Variants in KRT1 observed in about 807,000 individuals in gnomAD.
KRT1 encodes keratin 1.
In KRT1, 28 loss-of-function variants were observed where a neutral mutation model predicts 51.6. That is an observed-to-expected ratio of 0.54 (90% confidence interval 0.40 to 0.74). The LOEUF (loss-of-function observed/expected upper bound fraction) is 0.74. Ranked by LOEUF, KRT1 falls within the 30% of genes least tolerant of loss-of-function variation. KRT1 has a pLI of 0.00. For synonymous variants in KRT1, 301 were observed against 307.7 expected, an observed-to-expected ratio of 0.98 and a Z score of 0.23; for missense variants, 783 against 815.5, an observed-to-expected ratio of 0.96 and a Z score of 0.49.
intron 6 of KRT1, 114 bp from the exon 7 acceptor site, chr12:52,676,609 C>G: frequency 9.6e-7 from 1 of 1,038,510 alleles, no homozygotes; most frequent in East Asian, 2.6e-5. Flanking sequence ...AACCACTTGG[C>G]CTTAAGTCAT....
intron 4 of KRT1, 48 bp downstream of exon 4, chr12:52,677,602 T>G: frequency 6.2e-7 from 1 of 1,606,336 alleles, no homozygotes; most frequent in Non-Finnish European, 8.5e-7. Context: ...GGGTTCAGGC[T>G]TAAAAACTCT....
chr12:52,680,342 G>A lies in KRT1; in HGVS notation c.7C>T (p.Arg3Ter). 1.9e-6 allele frequency: 3 copies of A among 1,613,692 alleles called. No individual in the cohort carries two copies. Among genetic ancestry groups the A allele is most frequent in the Non-Finnish European group, 2.5e-6 (3 of 1,179,842 alleles). The change falls in exon 1 of 9, where the codon CGA becomes TGA. Residue 3 changes from arginine (R) to a stop codon, truncating the protein, a stop_gained. Coordinates refer to ENST00000252244, the MANE Select transcript of KRT1 (RefSeq NM_006121.4). LOFTEE classifies it high-confidence loss of function. MS[R>*]QFSSRSGYRS... ...TACCCAGACCTGGAACTAAACTGTC[G>A]ACTCATGTTGACTTAGAGAAAAGTA...
intron 7 of KRT1, among the ~76,000 whole-genome samples, chr12:52,676,044 G>T (rs1023228393): frequency 2.0e-5 from 3 of 152,114 alleles, no homozygotes; most frequent in Non-Finnish European, 4.4e-5. Context: ...AGAATAATTT[G>T]CTCCACCTCA....
At position 52,680,281 on chromosome 12, in the gene KRT1, C is replaced by G; in HGVS notation, c.68G>C (p.Gly23Ala). 6.2e-7 allele frequency: 1 copy of G among 1,614,166 alleles called. No individual in the cohort carries two copies. Among genetic ancestry groups the G allele is most frequent in the Non-Finnish European group, 8.5e-7 (1 of 1,180,028 alleles). The change falls in exon 1 of 9, where the codon GGG (glycine) becomes GCG (alanine). Residue 23 changes from glycine to alanine, a missense_variant. By Grantham distance (60) the Gly-to-Ala change is moderately conservative. Coordinates refer to ENST00000252244, the MANE Select transcript of KRT1 (RefSeq NM_006121.4). Reference sequence around the variant, plus strand: ...GGTCCTGCGCTGGTAGTTGATGATCCCAGCAGAGCCAGAGCTGAAGCCCCC... The same window carrying G: ...GGTCCTGCGCTGGTAGTTGATGATCGCAGCAGAGCCAGAGCTGAAGCCCCC... ...SGGGFSSGSA[G>A]IINYQRRTTS...
chr12:52,676,579 G>A (rs1941507274), intron 6 of KRT1, 84 bp from the exon 7 acceptor site: 12 of 1,357,946 alleles, frequency 8.8e-6, no homozygotes, highest in Non-Finnish European at 1.2e-5. Context: ...CTCCAGTGAG[G>A]CCAATAATGA....
At chr12:52,677,028 C>T in intron 6 of KRT1, 31 bp downstream of exon 6, 1 of 1,610,114 alleles carries the variant, frequency 6.2e-7, no homozygotes, top group African/African-American at 1.3e-5. Context: ...CCATTCCATA[C>T]AGCTGAGTGG....
rs1434625567 is a variant in KRT1, at chr12:52,675,287, C to G, written c.1841G>C (p.Gly614Ala). The change falls in exon 9 of 9, where the codon GGA becomes GCA. Residue 614 changes from glycine (G) to alanine (A), a missense_variant. Coordinates refer to ENST00000252244, the MANE Select transcript of KRT1 (RefSeq NM_006121.4). ...SGGGSSGGSI[G>A]GRGSSSGGVK... Reference sequence around the variant, plus strand: ...ACCCCCAGAGCTGGATCCCCGGCCTCCTATGGAGCCTCCAGAGCTCCCGCC... The same window carrying G: ...ACCCCCAGAGCTGGATCCCCGGCCTGCTATGGAGCCTCCAGAGCTCCCGCC... The G allele has an allele frequency of 6.2e-7, 1 of 1,613,394 alleles. No homozygotes were observed. Among genetic ancestry groups the G allele is most frequent in the Non-Finnish European group, 8.5e-7 (1 of 1,179,974 alleles).
chr12:52,680,335 A>G lies in KRT1; in HGVS notation c.14T>C (p.Phe5Ser), dbSNP rs1165231759. The G allele has an allele frequency of 1.2e-6, 2 of 1,613,954 alleles. No homozygotes were observed. Among genetic ancestry groups the G allele is most frequent in the African/African-American group, 2.7e-5 (2 of 74,912 alleles). Residue 5 changes from phenylalanine to serine, a missense_variant, in exon 1 of 9, where the codon TTT (phenylalanine) becomes TCT (serine). Physicochemically the swap from Phe to Ser is radical, Grantham distance 155. Transcript: ENST00000252244. The stretch of plus-strand genomic sequence containing the variant: ...ACTTCGGTACCCAGACCTGGAACTA[A>G]ACTGTCGACTCATGTTGACTTAGAG... MSRQ[F>S]SSRSGYRSGG...
At position 52,677,714 on chromosome 12, in the gene KRT1, T is replaced by A. The variant is rs1207785534; in HGVS notation, c.899A>T (p.Asp300Val). The change falls in exon 4 of 9, where the codon GAC becomes GTC. Residue 300 changes from aspartate to valine, a missense_variant. By Grantham distance (152) the Asp-to-Val change is radical. Transcript: ENST00000252244. The stretch of plus-strand genomic sequence containing the variant: ...CAAGTTGTCAAGTTTGGCCTGAAGG[T>A]CCACCTTGGTCATATAAGCACCATC... ...DVDGAYMTKVDLQAKLDNLQQ... is the reference protein window; with the variant it reads ...DVDGAYMTKVVLQAKLDNLQQ... 2.5e-6 allele frequency: 4 copies of A among 1,614,034 alleles called. No homozygotes were observed. The highest frequency in any genetic ancestry group is 3.4e-6 in the Non-Finnish European group (4 of 1,180,028).
chr12:52,676,134 T>A, intron 7 of KRT1, 141 bp downstream of exon 7: 1 of 782,058 alleles, frequency 1.3e-6, no homozygotes, highest in African/African-American at 1.7e-5. Context: ...TAAAACTAGG[T>A]CCTTCCTCCT....
Position 52,675,340 on chromosome 12 carries a change from G to A in KRT1, c.1788C>T (p.Gly596=), listed in dbSNP as rs984456671. 2 of 1,609,998 alleles carry A rather than the reference G, an allele frequency of 1.2e-6. No individual in the cohort carries two copies. The highest frequency in any genetic ancestry group is 1.7e-6 in the Non-Finnish European group (2 of 1,179,232). The change falls in exon 9 of 9, where the codon GGC becomes GGT. Residue 596 remains glycine (G), a synonymous_variant. Coordinates refer to ENST00000252244, the MANE Select transcript of KRT1 (RefSeq NM_006121.4). ...GYRGGSGGGG[G]GSSGGRGSGG... is the part of the protein sequence containing the mutation. ...CAGAGCCCCGGCCGCCAGAGCTGCC[G>A]CCGCCGCCGCCTCCAGAGCCACCTC... is the stretch of plus-strand genomic sequence containing the variant.
In KRT1 at chr12:52,677,176, C is replaced by T. The variant is rs141641507; in HGVS notation, c.1137G>A (p.Glu379=). ...CATGTCTGCCAGCAGTGATCTGCAGCTCTTCATACTAAAGATGGTAGATAG... is the reference window on the plus strand; with the variant it reads ...CATGTCTGCCAGCAGTGATCTGCAGTTCTTCATACTAAAGATGGTAGATAG... ...AESLYQSKYE[E]LQITAGRHGD... The change falls in exon 6 of 9, where the codon GAG becomes GAA. Residue 379 remains glutamate (E), a synonymous_variant. Transcript: ENST00000252244. 7.2e-5 allele frequency: 116 copies of T among 1,614,212 alleles called. No individual in the cohort carries two copies. In the African/African-American group the frequency reaches 1.3e-3, roughly 18 times the overall value.
At position 52,677,552 on chromosome 12, in the gene KRT1, A is replaced by G. The variant is rs1428972180; in HGVS notation, c.964-72T>C. The G allele has an allele frequency of 6.8e-6, 11 of 1,605,938 alleles. No individual in the cohort carries two copies. The African/African-American group carries it at 1.3e-4, about 20-fold the overall frequency. ...AACAACTTAGACAGAGAAAGCAGTC[A>G]GAAAATAAAAGATAAATATCTATTC... On this transcript the variant is annotated intron_variant, in intron 4 of 8. Transcript: ENST00000252244.
rs1329532043 is a variant in KRT1, at chr12:52,675,402, C to T, written c.1726G>A (p.Gly576Ser). ...CTGCTGCTTCCGGAGCCGTAGCTGC[C>T]ATGGCCGCCGCCGCCACCTCCAGAG... is the stretch of plus-strand genomic sequence containing the variant. ...YGSGGGGGGH[G>S]SYGSGSSSGG... Residue 576 changes from glycine (G) to serine (S), a missense_variant, in exon 9 of 9, where the codon GGC becomes AGC. Coordinates refer to ENST00000252244, the MANE Select transcript of KRT1 (RefSeq NM_006121.4). 1 of 1,575,078 alleles carries T rather than the reference C, an allele frequency of 6.3e-7. No homozygotes were observed. Among genetic ancestry groups the T allele is most frequent in the African/African-American group, 1.4e-5 (1 of 73,402 alleles).
At position 52,675,124 on chromosome 12, in the gene KRT1, G is replaced by A. The variant is rs1941479579; in HGVS notation, c.*69C>T. The A allele has an allele frequency of 6.3e-6, 10 of 1,587,872 alleles. No individual in the cohort carries two copies. The highest frequency in any genetic ancestry group is 7.8e-6 in the Non-Finnish European group (9 of 1,157,928). ...GGTAAGGCTGGGACAAATCGACCTC[G>A]GTCTTGCCAAGCATATTTGTTAGTG... On this transcript the variant is annotated 3_prime_UTR_variant, in exon 9 of 9. Coordinates refer to ENST00000252244, the MANE Select transcript of KRT1 (RefSeq NM_006121.4).
intron 2 of KRT1, 35 bp from the exon 3 acceptor site, chr12:52,678,258 G>A (rs1338980824): frequency 6.2e-7 from 1 of 1,606,476 alleles, no homozygotes; most frequent in Non-Finnish European, 8.5e-7. Context: ...GAGATTCAGA[G>A]GTGGTAAGAC....
intron 5 of KRT1, 44 bp downstream of exon 5, chr12:52,677,272 A>T (rs1336495851): frequency 6.2e-7 from 1 of 1,614,208 alleles, no homozygotes; most frequent in East Asian, 2.2e-5. Context: ...GGATAGCAAG[A>T]CAAGCCATTT....
At position 52,678,857 on chromosome 12, in the gene KRT1, G is replaced by A. The variant is rs528256075; in HGVS notation, c.592-101C>T. 12 of 987,674 alleles carry A rather than the reference G, an allele frequency of 1.2e-5. No homozygotes were observed. In the African/African-American group the frequency reaches 1.8e-4, roughly 14 times the overall value. The allele number at this position is 987,674 out of a possible 1,614,324, so 61.2% of individuals were successfully genotyped here. A position where few individuals can be genotyped will look rare whatever the true frequency, so the allele number is the denominator to read the frequency against. Reference sequence around the variant, plus strand: ...AAAAGAACCTCAATTCCTATCTTCTGACCATGACAGAGAAATAGGAAGAAG... The same window carrying A: ...AAAAGAACCTCAATTCCTATCTTCTAACCATGACAGAGAAATAGGAAGAAG... On this transcript the variant is annotated intron_variant, in intron 1 of 8. Coordinates refer to ENST00000252244, the MANE Select transcript of KRT1 (RefSeq NM_006121.4).
At chr12:52,677,597 CA>C (rs1941529710) in intron 4 of KRT1, 52 bp downstream of exon 4, 1 of 1,605,688 alleles carries the variant, frequency 6.2e-7, no homozygotes, top group Admixed American at 1.7e-5. Context: ...GTTGTGGGTT[CA>C]GGCTTAAAAA....
Sources: allele counts gnomAD v4.1 joint callset (sites outside exome capture counted in the v4.1 genomes callset), GRCh38; gene constraint gnomAD v4.1.1; transcripts MANE v1.5; gene names NCBI Gene and HGNC (gene_info 2026-07-23, HGNC 2026-07-21).